Variants in PTPRN2 observed in about 807,000 individuals in gnomAD.
PTPRN2 encodes the protein receptor-type tyrosine-protein phosphatase N2.
PTPRN2 carries 74 observed loss-of-function variants against 118.8 expected under a neutral mutation model. The ratio of observed to expected loss-of-function variants is 0.62; its 90% CI spans 0.52 to 0.76. PTPRN2 has a LOEUF of 0.76. Among genes scored for constraint, PTPRN2 ranks in the 30% least tolerant of loss-of-function variants. PTPRN2 has a pLI of 0.00. For missense variants in PTPRN2, 1,481 were observed against 1,394.4 expected (o/e 1.06, Z -0.99); for synonymous variants, 641 against 608.0 (o/e 1.05, Z -0.80).
At chr7:157,597,435 A>C in intron 16 of PTPRN2, among the ~76,000 whole-genome samples, 1 of 151,368 alleles carries the variant, frequency 6.6e-6, no homozygotes, top group Admixed American at 6.6e-5. Context: ...TGCAAATAGT[A>C]ATGCATGAAA....
chr7:157,683,629 C>T (rs76449869), intron 12 of PTPRN2, among the ~76,000 whole-genome samples: 1,810 of 152,180 alleles, frequency 0.012, 26 homozygotes, highest in African/African-American at 0.041. Flanking sequence ...TGGAACTTCA[C>T]TTCTCAGCGA....
At chr7:158,080,277 T>C (rs1349105788) in intron 11 of PTPRN2, among the ~76,000 whole-genome samples, 1 of 139,912 alleles carries the variant, frequency 7.1e-6, no homozygotes, top group Non-Finnish European at 1.5e-5. Context: ...AGTATTTTGC[T>C]GCATTTTACA....
At chr7:158,151,722 C>T (rs1026511097) in intron 6 of PTPRN2, among the ~76,000 whole-genome samples, 3 of 152,272 alleles carry the variant, frequency 2.0e-5, no homozygotes, top group East Asian at 1.9e-4. Flanking sequence ...CCCTCCCTCC[C>T]TTGCTAGCTG....
At chr7:158,419,690 C>T (rs2129421935) in intron 2 of PTPRN2, among the ~76,000 whole-genome samples, 1 of 152,310 alleles carries the variant, frequency 6.6e-6, no homozygotes, top group East Asian at 1.9e-4. Context: ...GTCGAATTCA[C>T]AAGCCTCCAG....
chr7:158,384,284 C>A (rs1371288802), intron 2 of PTPRN2, among the ~76,000 whole-genome samples: 2 of 152,208 alleles, frequency 1.3e-5, no homozygotes, highest in Non-Finnish European at 2.9e-5. Context: ...CCCTGGAAAC[C>A]AAAAGGACCT....
At chr7:158,170,615 A>C (rs192764952) in intron 5 of PTPRN2, among the ~76,000 whole-genome samples, 131 of 152,350 alleles carry the variant, frequency 8.6e-4, no homozygotes, top group African/African-American at 2.9e-3. Context: ...CGGTTTTTGC[A>C]AGCCACTCCG....
intron 12 of PTPRN2, among the ~76,000 whole-genome samples, chr7:157,772,224 G>GAC (rs1205285124): frequency 1.4e-5 from 2 of 146,670 alleles, no homozygotes; most frequent in African/African-American, 5.1e-5. Context: ...CATAGACACA[G>GAC]ACACACACAC....
chr7:158,386,056 G>A (rs1306462140), intron 2 of PTPRN2, among the ~76,000 whole-genome samples: 3 of 96,966 alleles, frequency 3.1e-5, no homozygotes, highest in Non-Finnish European at 5.8e-5. Flanking sequence ...CCCGTGCCGA[G>A]TCCCTCCTTC....
intron 12 of PTPRN2, among the ~76,000 whole-genome samples, chr7:157,879,556 C>A (rs1044039049): frequency 6.6e-6 from 1 of 152,200 alleles, no homozygotes; most frequent in Non-Finnish European, 1.5e-5. Context: ...TTTAACCCTG[C>A]AGTAGCTGGG....
At chr7:158,123,737 C>T (rs1331519748) in intron 9 of PTPRN2, among the ~76,000 whole-genome samples, 1 of 152,218 alleles carries the variant, frequency 6.6e-6, no homozygotes, top group Non-Finnish European at 1.5e-5. Context: ...TAAATGCCAG[C>T]AGCTAACTAA....
At chr7:157,604,667 G>C (rs1801893910) in intron 15 of PTPRN2, among the ~76,000 whole-genome samples, 1 of 152,234 alleles carries the variant, frequency 6.6e-6, no homozygotes, top group African/African-American at 2.4e-5. Context: ...AGGAGAGTAA[G>C]AGACAAATAA....
intron 1 of PTPRN2, among the ~76,000 whole-genome samples, chr7:158,497,433 T>C (rs944585884): frequency 6.6e-5 from 10 of 151,600 alleles, no homozygotes; most frequent in Non-Finnish European, 1.3e-4. Context: ...GCCCAGCGTT[T>C]TGGGGACCCG....
chr7:157,670,244 C>T (rs139783576), intron 13 of PTPRN2, among the ~76,000 whole-genome samples: 2,536 of 152,286 alleles, frequency 0.017, 42 homozygotes, highest in Middle Eastern at 0.037. Flanking sequence ...AAGGCACGTA[C>T]GGGCTCACGG....
chr7:158,059,163 C>T, intron 11 of PTPRN2, among the ~76,000 whole-genome samples: 1 of 120,902 alleles, frequency 8.3e-6, no homozygotes, highest in South Asian at 3.0e-4. Context: ...AGCCACACTC[C>T]ATCTGCACAC....
intron 11 of PTPRN2, among the ~76,000 whole-genome samples, chr7:158,061,530 G>A (rs1158222809): frequency 6.6e-6 from 1 of 152,236 alleles, no homozygotes; most frequent in African/African-American, 2.4e-5. Flanking sequence ...CTGCTGCTGT[G>A]GCCCCTGGGG....
intron 4 of PTPRN2, among the ~76,000 whole-genome samples, chr7:158,198,351 G>A (rs1319677740): frequency 4.6e-5 from 7 of 152,114 alleles, no homozygotes; most frequent in East Asian, 1.9e-4. Context: ...AACTTCATAC[G>A]TATGAATTTT....
chr7:157,657,496 T>C (rs201090038), intron 13 of PTPRN2, among the ~76,000 whole-genome samples: 269 of 7,318 alleles, frequency 0.037, 4 homozygotes, highest in Middle Eastern at 0.14. Flanking sequence ...ACACATCACA[T>C]ATACACACAC....
At chr7:158,437,537 G>A (rs1046725640) in intron 2 of PTPRN2, among the ~76,000 whole-genome samples, 3 of 152,128 alleles carry the variant, frequency 2.0e-5, no homozygotes, top group South Asian at 2.1e-4. Context: ...CAGCCAGATC[G>A]AGGGTAGATC....
chr7:158,143,137 G>A (rs181798721), intron 6 of PTPRN2, among the ~76,000 whole-genome samples: 111 of 152,196 alleles, frequency 7.3e-4, no homozygotes, highest in Admixed American at 5.9e-4. Flanking sequence ...GCTCGTCCAC[G>A]TCCACAGGTC....
Sources: gnomAD v4.1 joint callset for allele counts (sites outside exome capture counted in the v4.1 genomes callset) on GRCh38, gnomAD v4.1.1 for gene constraint, MANE v1.5 for transcripts, NCBI Gene and HGNC (gene_info 2026-07-23, HGNC 2026-07-21) for gene names.